The following PTPRM variants were observed in gnomAD, a reference collection of about 807,000 sequenced individuals.
The protein encoded by PTPRM is protein tyrosine phosphatase receptor type M, also known as receptor-type tyrosine-protein phosphatase mu.
In PTPRM, 47 loss-of-function variants were observed where a neutral mutation model predicts 186.7. The observed-to-expected ratio is 0.25, with a 90% CI of 0.20 to 0.32. PTPRM has a LOEUF of 0.32. PTPRM is among the 10% of genes least tolerant of loss of function. The pLI is 1.00. For synonymous variants in PTPRM, 668 were observed against 674.9 expected (o/e 0.99, Z 0.16); for missense variants, 1,494 against 1,865.0 (o/e 0.80, Z 3.66).
At chr18:8,354,572 C>T (rs1310195805) in intron 23 of PTPRM, among the ~76,000 whole-genome samples, 1 of 152,134 alleles carries the variant, frequency 6.6e-6, no homozygotes, top group Non-Finnish European at 1.5e-5. Context: ...CCCTATTGCT[C>T]TTATCACAGC....
intron 24 of PTPRM, among the ~76,000 whole-genome samples, chr18:8,375,066 G>A (rs1396691510): frequency 6.6e-6 from 1 of 152,156 alleles, no homozygotes; most frequent in African/African-American, 2.4e-5. Context: ...ACAGTCTTTT[G>A]CTTTAAAACA....
At chr18:8,333,727 A>G (rs1489335281) in intron 22 of PTPRM, among the ~76,000 whole-genome samples, 1 of 152,196 alleles carries the variant, frequency 6.6e-6, no homozygotes, top group Non-Finnish European at 1.5e-5. Flanking sequence ...ACCTTCAGCC[A>G]TCTTCATTGC....
chr18:7,610,418 C>T (rs941653975), intron 1 of PTPRM, among the ~76,000 whole-genome samples: 1 of 151,966 alleles, frequency 6.6e-6, no homozygotes, highest in Non-Finnish European at 1.5e-5. Context: ...AACCAGTGTC[C>T]TCCAGAACCC....
intron 21 of PTPRM, among the ~76,000 whole-genome samples, chr18:8,317,554 A>G (rs1218150272): frequency 6.6e-6 from 1 of 152,084 alleles, no homozygotes; most frequent in Non-Finnish European, 1.5e-5. Flanking sequence ...CACTCAGAGA[A>G]TGAGAGCAGA....
chr18:7,925,130 A>G (rs1232940238), intron 4 of PTPRM, among the ~76,000 whole-genome samples: 1 of 152,214 alleles, frequency 6.6e-6, no homozygotes, highest in African/African-American at 2.4e-5. Context: ...TTTCAGGAAC[A>G]AAGACTAAAA....
chr18:8,252,413 G>A (rs1310527456), intron 17 of PTPRM, 75 bp from the exon 18 acceptor site: 1 of 1,149,328 alleles, frequency 8.7e-7, no homozygotes, highest in East Asian at 2.3e-5. Flanking sequence ...CTGTAATTAT[G>A]CACGCAGTAC....
At chr18:7,804,163 G>A (rs1459931822) in intron 2 of PTPRM, among the ~76,000 whole-genome samples, 1 of 152,140 alleles carries the variant, frequency 6.6e-6, no homozygotes, top group African/African-American at 2.4e-5. Flanking sequence ...TTCATCATCG[G>A]TTGGGGTGGA....
intron 23 of PTPRM, among the ~76,000 whole-genome samples, chr18:8,344,882 CA>C (rs1421567707): frequency 1.3e-5 from 2 of 152,020 alleles, no homozygotes; most frequent in African/African-American, 4.8e-5. Context: ...AGTAGACCCT[CA>C]GAGAAAGGGC....
intron 19 of PTPRM, among the ~76,000 whole-genome samples, chr18:8,285,028 C>G (rs768378846): frequency 3.9e-5 from 6 of 152,144 alleles, no homozygotes; most frequent in Non-Finnish European, 5.9e-5. Context: ...TCAGCCCCTT[C>G]CCTTGTGGAG....
intron 14 of PTPRM, among the ~76,000 whole-genome samples, chr18:8,238,933 T>G (rs562104957): frequency 5.1e-4 from 78 of 151,664 alleles, no homozygotes; most frequent in Admixed American, 2.4e-3. Flanking sequence ...TCAGTTAGGC[T>G]CTGACAAAAG....
intron 1 of PTPRM, among the ~76,000 whole-genome samples, chr18:7,770,481 C>G (rs2042223014): frequency 1.3e-5 from 2 of 152,196 alleles, no homozygotes; most frequent in South Asian, 4.1e-4. Flanking sequence ...AATTTAAGAA[C>G]TGATAATAAT....
intron 1 of PTPRM, among the ~76,000 whole-genome samples, chr18:7,699,157 C>G (rs2039906309): frequency 6.6e-6 from 1 of 152,170 alleles, no homozygotes; most frequent in South Asian, 2.1e-4. Context: ...TCTTATGAGA[C>G]TCTAACCAAT....
chr18:7,933,192 G>GAGT (rs2051591169), intron 5 of PTPRM, among the ~76,000 whole-genome samples: 1 of 152,310 alleles, frequency 6.6e-6, no homozygotes, highest in East Asian at 1.9e-4. Flanking sequence ...CAAAGCACAG[G>GAGT]AGTAGTGATG....
chr18:7,664,919 G>GT (rs1254421164), intron 1 of PTPRM, among the ~76,000 whole-genome samples: 1 of 152,180 alleles, frequency 6.6e-6, no homozygotes, highest in Non-Finnish European at 1.5e-5. Context: ...GGGAAAACAG[G>GT]TTTGGGGTGT....
intron 2 of PTPRM, among the ~76,000 whole-genome samples, chr18:7,884,281 A>G (rs1333117263): frequency 6.6e-6 from 1 of 152,186 alleles, no homozygotes; most frequent in African/African-American, 2.4e-5. Flanking sequence ...CCTTGTATGC[A>G]TTCGTGGTTA....
chr18:7,826,788 T>G (rs2045506640), intron 2 of PTPRM, among the ~76,000 whole-genome samples: 1 of 152,230 alleles, frequency 6.6e-6, no homozygotes, highest in South Asian at 2.1e-4. Context: ...AGCTTCCATT[T>G]TTTTAAATTA....
At chr18:8,099,524 C>G (rs1024746063) in intron 11 of PTPRM, among the ~76,000 whole-genome samples, 3 of 152,086 alleles carry the variant, frequency 2.0e-5, no homozygotes, top group African/African-American at 7.2e-5. Flanking sequence ...CATATTAGAT[C>G]AACCACTGGG....
chr18:8,102,943 A>G (rs1459827315), intron 11 of PTPRM, among the ~76,000 whole-genome samples: 3 of 152,206 alleles, frequency 2.0e-5, no homozygotes, highest in Non-Finnish European at 4.4e-5. Context: ...AGATATGAAA[A>G]CAGCATTCAT....
At chr18:7,839,939 C>A (rs558329494) in intron 2 of PTPRM, among the ~76,000 whole-genome samples, 1 of 152,066 alleles carries the variant, frequency 6.6e-6, no homozygotes, top group South Asian at 2.1e-4. Flanking sequence ...GTTGAGTTTG[C>A]TCTGGTTTTG....
Sources: allele counts gnomAD v4.1 joint callset (sites outside exome capture counted in the v4.1 genomes callset), GRCh38; gene constraint gnomAD v4.1.1; transcripts MANE v1.5; gene names NCBI Gene and HGNC (gene_info 2026-07-23, HGNC 2026-07-21).